KLRC2: variants seen among roughly 807,000 people sequenced by gnomAD.
KLRC2 encodes NKG2-C type II integral membrane protein.
A neutral mutation model predicts 25.5 loss-of-function variants in KLRC2; 10 were observed. The observed-to-expected ratio is 0.39, with a 90% CI of 0.24 to 0.67. The LOEUF (loss-of-function observed/expected upper bound fraction) is 0.67. KLRC2 is among the 30% of genes least tolerant of loss of function. The pLI is 0.45. For missense variants in KLRC2, 170 were observed against 272.8 expected, an observed-to-expected ratio of 0.62 and a Z score of 2.65; for synonymous variants, 48 against 93.3, an observed-to-expected ratio of 0.51 and a Z score of 2.80.
chr12:10,433,674 A>G (rs1863838622), intron 4 of KLRC2, 117 bp downstream of exon 4: 2 of 1,095,130 alleles, frequency 1.8e-6, no homozygotes, highest in Non-Finnish European at 2.6e-6. Flanking sequence ...ATTGAATATT[A>G]CATACACTTG....
rs111603638 is a variant in KLRC2 at position 10,433,751 on chromosome 12, G to C, written c.483+40C>G. 13 of 1,520,758 alleles carry C rather than the reference G, an allele frequency of 8.5e-6. 3 individuals carry two copies. Among genetic ancestry groups the C allele is most frequent in the Middle Eastern group, 1.8e-4 (1 of 5,712 alleles). The allele number at this position is 1,520,758 out of a possible 1,614,324, so 94.2% of individuals were successfully genotyped here. On this transcript the variant is annotated intron_variant, in intron 4 of 5. Coordinates refer to ENST00000381902, the MANE Select transcript of KLRC2 (RefSeq NM_002260.4). ...TTCTACAAATGTATTATTCACTGAA[G>C]GAAGCTTTTCATAAAATGTTTGAAA...
In KLRC2 at chr12:10,435,683, C is replaced by T. The variant is rs911406710; in HGVS notation, c.187+117G>A. The stretch of plus-strand genomic sequence containing the variant: ...CTGATTTCATATTAGAATTTTAGAT[C>T]CCAATTATGAACTCCGATTCTCACA... On this transcript the variant is annotated intron_variant, in intron 1 of 5. Coordinates refer to ENST00000381902, the MANE Select transcript of KLRC2 (RefSeq NM_002260.4). 50 of 1,195,746 alleles carry T rather than the reference C, an allele frequency of 4.2e-5. 4 individuals are homozygous for T. Among genetic ancestry groups the T allele is most frequent in the Non-Finnish European group, 4.9e-5 (42 of 865,864 alleles). 74.1% of individuals were successfully genotyped at this position (1,195,746 alleles called of 1,614,324 possible). A position where few individuals can be genotyped will look rare whatever the true frequency, so the allele number is the denominator to read the frequency against.
At chr12:10,433,682 T>C (rs1863838706) in intron 4 of KLRC2, 109 bp downstream of exon 4, 2 of 1,174,996 alleles carry the variant, frequency 1.7e-6, no homozygotes, top group East Asian at 2.7e-5. Context: ...TTACATACAC[T>C]TGAAAATATA....
intron 4 of KLRC2, among the ~76,000 whole-genome samples, chr12:10,433,314 C>T (rs2981589): frequency 0.98 from 138,665 of 141,150 alleles, 68,583 homozygotes; most frequent in Middle Eastern, 1. Context: ...ATTCACACTG[C>T]TTGATTCCCT....
At chr12:10,432,494 C>G (rs1182761019) in intron 4 of KLRC2, among the ~76,000 whole-genome samples, 1 of 115,890 alleles carries the variant, frequency 8.6e-6, no homozygotes, top group Non-Finnish European at 1.9e-5. Flanking sequence ...CCTCCAGATA[C>G]TGTGACTAAA....
rs1431125028 is a variant in KLRC2, at chr12:10,431,383, A to G, written c.585-155T>C. The G allele has an allele frequency of 3.4e-6, 3 of 893,530 alleles. 1 individual carries two copies. The highest frequency in any genetic ancestry group is 3.7e-5 in the African/African-American group (2 of 53,476). The allele number at this position is 893,530 out of a possible 1,614,324, so 55.4% of individuals were successfully genotyped here. A position where few individuals can be genotyped will look rare whatever the true frequency, so the allele number is the denominator to read the frequency against. On this transcript the variant is annotated intron_variant, in intron 5 of 5. Coordinates refer to ENST00000381902, the MANE Select transcript of KLRC2 (RefSeq NM_002260.4). ...AGAGTCATTATTCTGAACACTCAAC[A>G]GAGTAGTCCCTCTTCATCCACGAGG...
chr12:10,435,772 A>C, intron 1 of KLRC2, 28 bp downstream of exon 1: 1 of 1,535,470 alleles, frequency 6.5e-7, no homozygotes, highest in Non-Finnish European at 8.9e-7. Context: ...CTAGAACAAT[A>C]ATATTGAAGA....
Position 10,431,777 on chromosome 12 carries a change from ATT to A in KLRC2, c.584+327_584+328del, listed in dbSNP as rs142647914. 2.3e-3 allele frequency among the ~76,000 whole-genome samples: 276 copies of A among 120,832 alleles called. 13 individuals are homozygous for A. The highest frequency in any genetic ancestry group is 0.011 in the East Asian group (44 of 4,052). 79.3% of individuals were successfully genotyped at this position (120,832 alleles called of 152,430 possible). On this transcript the variant is annotated intron_variant, in intron 5 of 5. Transcript: ENST00000381902. ...GTAAACTTTCTTAAAACATTCTGTG[ATT>A]TTTTTTTTTTTTTTAGCTCGTCAGC... is the stretch of plus-strand genomic sequence containing the variant.
intron 4 of KLRC2, 48 bp downstream of exon 4, chr12:10,433,743 T>C (rs1449893516): frequency 1.3e-6 from 2 of 1,498,246 alleles, no homozygotes; most frequent in Non-Finnish European, 1.8e-6. Flanking sequence ...AATGTATTAT[T>C]CACTGAAGGA....
Position 10,432,133 on chromosome 12 carries a change from G to T in KLRC2, c.557C>A (p.Thr186Lys). Residue 186 changes from threonine (T) to lysine (K), a missense_variant, in exon 5 of 6, where the codon ACA (threonine) becomes AAA (lysine). Around this residue, in one of 3 missense-constraint regions of KLRC2, gnomAD observed 129 missense variants for 150.2 expected, o/e 0.86. Coordinates refer to ENST00000381902, the MANE Select transcript of KLRC2 (RefSeq NM_002260.4). ...FRNSSHHPWV[T>K]INGLAFKHKI... Reference sequence around the variant, plus strand: ...ATGTTTGAAAGCCAAACCATTTATTGTCACCCATGGATGATGACTGCTGTT... The same window carrying T: ...ATGTTTGAAAGCCAAACCATTTATTTTCACCCATGGATGATGACTGCTGTT... 1 of 1,531,376 alleles carries T rather than the reference G, an allele frequency of 6.5e-7. No homozygotes were observed. Among genetic ancestry groups the T allele is most frequent in the Non-Finnish European group, 8.9e-7 (1 of 1,125,152 alleles). The allele number at this position is 1,531,376 out of a possible 1,614,324, so 94.9% of individuals were successfully genotyped here.
chr12:10,435,851 G>A lies in KLRC2; in HGVS notation c.136C>T (p.Gln46Ter), dbSNP rs1863864381. The A allele has an allele frequency of 6.4e-7, 1 of 1,551,280 alleles. No individual in the cohort carries two copies. Among genetic ancestry groups the A allele is most frequent in the African/African-American group, 1.5e-5 (1 of 68,718 alleles). ...CCTTGATGATTCAGGGAAGGATTTT[G>A]AAGATTTAATTCTACTTGGAATATT... ...QEIFQVELNL[Q>*]NPSLNHQGID... Residue 46 changes from glutamine to a stop codon, truncating the protein, a stop_gained, in exon 1 of 6, where the codon CAA (glutamine) becomes TAA (stop). Transcript: ENST00000381902. LOFTEE classifies it high-confidence loss of function.
In KLRC2 at chr12:10,431,073, A is replaced by C; in HGVS notation, c.*44T>G. The C allele has an allele frequency of 7.7e-7, 1 of 1,302,070 alleles. No homozygotes were observed. Among genetic ancestry groups the C allele is most frequent in the South Asian group, 1.3e-5 (1 of 77,920 alleles). 80.7% of individuals were successfully genotyped at this position (1,302,070 alleles called of 1,614,324 possible). A position where few individuals can be genotyped will look rare whatever the true frequency, so the allele number is the denominator to read the frequency against. ...AATCATAATATTTCTATTTTAAGAAATATAAAATGTATCTGATGCACTGCA... is the reference window on the plus strand; with the variant it reads ...AATCATAATATTTCTATTTTAAGAACTATAAAATGTATCTGATGCACTGCA... On this transcript the variant is annotated 3_prime_UTR_variant, in exon 6 of 6. Coordinates refer to ENST00000381902, the MANE Select transcript of KLRC2 (RefSeq NM_002260.4).
In KLRC2 at chr12:10,432,991, T is replaced by A. The variant is rs113928477; in HGVS notation, c.484-785A>T. Among the ~76,000 whole-genome samples, 99 of 140,486 alleles carry A rather than the reference T, an allele frequency of 7.0e-4. 20 individuals carry two copies. The highest frequency in any genetic ancestry group is 2.5e-3 in the African/African-American group (90 of 36,642). 92.2% of individuals were successfully genotyped at this position (140,486 alleles called of 152,430 possible). A position where few individuals can be genotyped will look rare whatever the true frequency, so the allele number is the denominator to read the frequency against. On this transcript the variant is annotated intron_variant, in intron 4 of 5. Transcript: ENST00000381902. ...GCAAGGCTGGTGCCACTGGCAAGGA[T>A]GATCTACCAGGAGACCTGCTACCAA...
Position 10,431,845 on chromosome 12 carries a change from A to C in KLRC2, c.584+261T>G, listed in dbSNP as rs61917665. 2.2e-5 allele frequency among the ~76,000 whole-genome samples: 3 copies of C among 137,296 alleles called. No individual in the cohort carries two copies. The East Asian group carries it at 6.5e-4, about 30-fold the overall frequency. 90.1% of individuals were successfully genotyped at this position (137,296 alleles called of 152,430 possible). A position where few individuals can be genotyped will look rare whatever the true frequency, so the allele number is the denominator to read the frequency against. ...TGTATTCTATGTGTGGCCCAAGACT[A>C]TTCGTCTTCTAACGTGGCCCACAGA... On this transcript the variant is annotated intron_variant, in intron 5 of 5. Coordinates refer to ENST00000381902, the MANE Select transcript of KLRC2 (RefSeq NM_002260.4).
At chr12:10,433,063 G>A (rs1017474486) in intron 4 of KLRC2, among the ~76,000 whole-genome samples, 2 of 141,176 alleles carry the variant, frequency 1.4e-5, no homozygotes, top group African/African-American at 2.7e-5. Flanking sequence ...GAGACACCAG[G>A]ATGGCTGTGG....
Position 10,431,067 on chromosome 12 carries a change from T to A in KLRC2, c.*50A>T. ...TTATGCAATCATAATATTTCTATTTTAAGAAATATAAAATGTATCTGATGC... is the reference window on the plus strand; with the variant it reads ...TTATGCAATCATAATATTTCTATTTAAAGAAATATAAAATGTATCTGATGC... On this transcript the variant is annotated 3_prime_UTR_variant, in exon 6 of 6. Transcript: ENST00000381902. 1 of 1,277,936 alleles carries A rather than the reference T, an allele frequency of 7.8e-7. No individual in the cohort carries two copies. Among genetic ancestry groups the A allele is most frequent in the African/African-American group, 1.6e-5 (1 of 60,686 alleles). 79.2% of individuals were successfully genotyped at this position (1,277,936 alleles called of 1,614,324 possible).
rs1378844542 is a variant in KLRC2, at chr12:10,432,141, T to C, written c.549A>G (p.Pro183=). 3 of 1,532,132 alleles carry C rather than the reference T, an allele frequency of 2.0e-6. No homozygotes were observed. The highest frequency in any genetic ancestry group is 2.7e-6 in the Non-Finnish European group (3 of 1,125,826). 94.9% of individuals were successfully genotyped at this position (1,532,132 alleles called of 1,614,324 possible). A position where few individuals can be genotyped will look rare whatever the true frequency, so the allele number is the denominator to read the frequency against. Residue 183 remains proline, a synonymous_variant, in exon 5 of 6, where the codon CCA becomes CCG. Transcript: ENST00000381902. The part of the protein sequence containing the change: ...IGVFRNSSHH[P]WVTINGLAFK... The stretch of plus-strand genomic sequence containing the variant: ...AAGCCAAACCATTTATTGTCACCCA[T>C]GGATGATGACTGCTGTTACGAAACA...
chr12:10,431,465 G>A (rs1863814404), intron 5 of KLRC2, among the ~76,000 whole-genome samples: 1 of 141,944 alleles, frequency 7.0e-6, no homozygotes, highest in African/African-American at 2.7e-5. Flanking sequence ...AGAACCTATA[G>A]AGAGATTATG....
At position 10,432,297 on chromosome 12, in the gene KLRC2, G is replaced by T; in HGVS notation, c.484-91C>A. 4.9e-6 allele frequency: 4 copies of T among 808,424 alleles called. 1 individual carries two copies. The South Asian group carries it at 8.9e-5, about 18-fold the overall frequency. The allele number at this position is 808,424 out of a possible 1,614,324, so 50.1% of individuals were successfully genotyped here. On this transcript the variant is annotated intron_variant, in intron 4 of 5. Transcript: ENST00000381902. ...AAAGTTGAAAACCACTATTTGCAGTGCCAAAAACTTTCATAAATGTTTGAA... is the reference window on the plus strand; with the variant it reads ...AAAGTTGAAAACCACTATTTGCAGTTCCAAAAACTTTCATAAATGTTTGAA...
Sources: allele counts gnomAD v4.1 joint callset (sites outside exome capture counted in the v4.1 genomes callset), GRCh38; gene constraint gnomAD v4.1.1; regional missense constraint gnomAD v4.1.1; transcripts MANE v1.5; gene names NCBI Gene and HGNC (gene_info 2026-07-23, HGNC 2026-07-21).